CELF2: variants seen among roughly 807,000 people sequenced by gnomAD.
CELF2 encodes the protein CUGBP Elav-like family member 2, also known as CUG triplet repeat RNA-binding protein 2.
A neutral mutation model predicts 62.6 loss-of-function variants in CELF2; 8 were observed. The observed-to-expected ratio is 0.13, with a 90% CI of 0.07 to 0.23. The LOEUF is 0.23. CELF2 is among the 10% of genes least tolerant of loss of function. The pLI is 1.00. For missense variants in CELF2, 333 were observed against 671.0 expected (o/e 0.50, Z 5.56); for synonymous variants, 258 against 250.0 (o/e 1.03, Z -0.30).
chr10:11,178,154 C>T lies in CELF2; in HGVS notation c.271+12472C>T, dbSNP rs1368012501. ...TTATGGAGTAGGCAACCTGGTTCGG[C>T]GCAAAGAGGAAATGCGCGTTCTGTG... On this transcript the variant is annotated intron_variant, in intron 2 of 12. Coordinates refer to ENST00000633077, the MANE Select transcript of CELF2 (RefSeq NM_001326342.2). The surrounding 1 kb of genome is among the most constrained non-coding windows in gnomAD (Gnocchi z 4.3). 1.3e-5 allele frequency among the ~76,000 whole-genome samples: 2 copies of T among 152,206 alleles called. No homozygotes were observed. Among genetic ancestry groups the T allele is most frequent in the East Asian group, 1.9e-4 (1 of 5,196 alleles).
intron 10 of CELF2, among the ~76,000 whole-genome samples, chr10:11,320,697 C>T (rs1389783222): frequency 1.3e-5 from 2 of 152,218 alleles, no homozygotes; most frequent in Non-Finnish European, 2.9e-5. Flanking sequence ...ATTTCCTCAT[C>T]ACACGGCCTA....
intron 1 of CELF2, among the ~76,000 whole-genome samples, chr10:10,877,676 C>G (rs905044263): frequency 1.3e-5 from 2 of 152,190 alleles, no homozygotes; most frequent in Non-Finnish European, 2.9e-5. Context: ...ATTTTCTCAG[C>G]AACCTGAAAT....
chr10:11,090,760 G>A (rs1298193329), intron 1 of CELF2, among the ~76,000 whole-genome samples: 2 of 152,218 alleles, frequency 1.3e-5, no homozygotes, highest in African/African-American at 4.8e-5. Context: ...TAGCACTGGG[G>A]TGGGACGGAA....
chr10:10,637,793 C>G, the CELF2 span, among the ~76,000 whole-genome samples: 1 of 152,124 alleles, frequency 6.6e-6, no homozygotes, highest in Non-Finnish European at 1.5e-5. Flanking sequence ...TTGTCAGCCC[C>G]GTTTGGTCCT....
At chr10:10,641,314 A>G in the CELF2 span, among the ~76,000 whole-genome samples, 1 of 152,212 alleles carries the variant, frequency 6.6e-6, no homozygotes, top group Non-Finnish European at 1.5e-5. Flanking sequence ...ATCACGCAGT[A>G]CTTTGTCCGG....
chr10:11,095,413 G>A (rs1359679187), intron 1 of CELF2, among the ~76,000 whole-genome samples: 1 of 152,170 alleles, frequency 6.6e-6, no homozygotes. Context: ...AGTCCCATCC[G>A]TGACTGTATG....
intron 1 of CELF2, among the ~76,000 whole-genome samples, chr10:11,058,865 G>C (rs2066006262): frequency 6.6e-6 from 1 of 152,108 alleles, no homozygotes; most frequent in South Asian, 2.1e-4. Flanking sequence ...ACTGCCACCT[G>C]GAGTTCCTGG....
rs1419099692 is a variant in CELF2 at position 11,331,034 on chromosome 10, A to G, written c.*1981A>G. The G allele has an allele frequency of 6.6e-6, 1 of 152,626 alleles. No individual in the cohort carries two copies. The highest frequency in any genetic ancestry group is 1.5e-5 in the Non-Finnish European group (1 of 68,040). 9.5% of individuals were successfully genotyped at this position (152,626 alleles called of 1,614,324 possible). A position where few individuals can be genotyped will look rare whatever the true frequency, so the allele number is the denominator to read the frequency against. On this transcript the variant is annotated 3_prime_UTR_variant, in exon 13 of 13. Coordinates refer to ENST00000633077, the MANE Select transcript of CELF2 (RefSeq NM_001326342.2). ...AGAACCACTTTTTGTAGATTAGTATAAGAAAAATATTTACCCTGTTTTGGG... is the reference window on the plus strand; with the variant it reads ...AGAACCACTTTTTGTAGATTAGTATGAGAAAAATATTTACCCTGTTTTGGG...
At chr10:10,994,002 C>A (rs2053690592) in intron 2 of CELF2, among the ~76,000 whole-genome samples, 1 of 152,212 alleles carries the variant, frequency 6.6e-6, no homozygotes, top group Admixed American at 6.5e-5. Context: ...ATCTTGACTT[C>A]CAGCCTCCAG....
the CELF2 span, among the ~76,000 whole-genome samples, chr10:10,638,953 G>A: frequency 2.0e-5 from 3 of 152,104 alleles, no homozygotes; most frequent in African/African-American, 7.2e-5. Context: ...CCAATCAGAG[G>A]AGCCCTGTAC....
the CELF2 span, among the ~76,000 whole-genome samples, chr10:10,721,842 G>C: frequency 6.6e-6 from 1 of 152,150 alleles, no homozygotes; most frequent in Admixed American, 6.5e-5. Context: ...TTCATCTCTG[G>C]ATAGATCCCA....
In CELF2 at chr10:11,143,170, C is replaced by A. The variant is rs148944754; in HGVS notation, c.75-22316C>A. 1.8e-3 allele frequency among the ~76,000 whole-genome samples: 279 copies of A among 152,340 alleles called. 2 individuals carry two copies. Among genetic ancestry groups the A allele is most frequent in the African/African-American group, 6.1e-3 (254 of 41,566 alleles). ...TTCCTTTGTGTGCCTGTAATGGACA[C>A]TTTTCCATTCCATATCTCTTGGGTT... On this transcript the variant is annotated intron_variant, in intron 1 of 12. Coordinates refer to ENST00000633077, the MANE Select transcript of CELF2 (RefSeq NM_001326342.2).
At chr10:10,614,814 A>T in the CELF2 span, among the ~76,000 whole-genome samples, 1 of 152,086 alleles carries the variant, frequency 6.6e-6, no homozygotes, top group East Asian at 1.9e-4. Context: ...TACTGTCCAG[A>T]GCCCAGGCGA....
At chr10:10,683,317 G>T in the CELF2 span, among the ~76,000 whole-genome samples, 1 of 152,162 alleles carries the variant, frequency 6.6e-6, no homozygotes, top group East Asian at 1.9e-4. Flanking sequence ...AAAATCCAGG[G>T]CATTGTTACT....
chr10:11,101,576 C>T (rs2051652722), intron 1 of CELF2, among the ~76,000 whole-genome samples: 1 of 152,184 alleles, frequency 6.6e-6, no homozygotes, highest in African/African-American at 2.4e-5. Flanking sequence ...ATGACTTTGT[C>T]CACTAATTCA....
chr10:11,089,471 C>A (rs2047719143), intron 1 of CELF2, among the ~76,000 whole-genome samples: 1 of 152,070 alleles, frequency 6.6e-6, no homozygotes, highest in Admixed American at 6.5e-5. Flanking sequence ...GGCATCTCGA[C>A]ATTTAGAAGA....
intron 1 of CELF2, among the ~76,000 whole-genome samples, chr10:10,906,717 C>CTTTTCT (rs561131012): frequency 9.2e-6 from 1 of 109,282 alleles, no homozygotes; most frequent in Non-Finnish European, 1.7e-5. Context: ...TTTTTCTTTT[C>CTTTTCT]TTTTTTTTTT....
chr10:10,680,602 T>C, the CELF2 span, among the ~76,000 whole-genome samples: 2 of 152,238 alleles, frequency 1.3e-5, no homozygotes, highest in African/African-American at 4.8e-5. Flanking sequence ...ACACGTTGAC[T>C]ATATGCAAGG....
chr10:10,483,214 C>CAAAAAAAAAAAAAAAA, the CELF2 span, among the ~76,000 whole-genome samples: 7 of 93,436 alleles, frequency 7.5e-5, no homozygotes, highest in Non-Finnish European at 1.3e-4. Flanking sequence ...GGCAGAATAC[C>CAAAAAAAAAAAAAAAA]AAAAAAAAAA....
Sources: allele counts gnomAD v4.1 joint callset (sites outside exome capture counted in the v4.1 genomes callset), GRCh38; gene constraint gnomAD v4.1.1; non-coding constraint Gnocchi (gnomAD v3.1); transcripts MANE v1.5; gene names NCBI Gene and HGNC (gene_info 2026-07-23, HGNC 2026-07-21).